SFMBT1: variants seen among roughly 807,000 people sequenced by gnomAD.
The protein encoded by SFMBT1 is scm-like with four MBT domains protein 1.
A neutral mutation model predicts 108.7 loss-of-function variants in SFMBT1; 32 were observed. The observed-to-expected ratio is 0.29, with a 90% CI of 0.22 to 0.40. The LOEUF is 0.40. Among genes scored for constraint, SFMBT1 ranks in the 10% least tolerant of loss-of-function variants. The pLI is 1.00. For synonymous variants in SFMBT1, 348 were observed against 369.5 expected (o/e 0.94, Z 0.67); for missense variants, 816 against 1,059.6 (o/e 0.77, Z 3.19).
intron 1 of SFMBT1, among the ~76,000 whole-genome samples, chr3:53,036,590 G>A (rs1699877423): frequency 6.6e-6 from 1 of 152,262 alleles, no homozygotes; most frequent in Non-Finnish European, 1.5e-5. Context: ...TGGATTCTGA[G>A]ATGCCAGTGT....
rs754256261 is a variant in SFMBT1, at chr3:52,918,525, T to A, written c.1374A>T (p.Val458=). The A allele has an allele frequency of 8.4e-6, 13 of 1,547,580 alleles. No homozygotes were observed. Among genetic ancestry groups the A allele is most frequent in the Non-Finnish European group, 8.7e-7 (1 of 1,152,796 alleles). ...HPLSTPRRAR[V]YKQRKIAVVQ... Reference sequence around the variant, plus strand: ...CCACTGCAATTTTCCTCTGTTTATATACTGTAGAAAGAAAAAAATATATAA... The same window carrying A: ...CCACTGCAATTTTCCTCTGTTTATAAACTGTAGAAAGAAAAAAATATATAA... Residue 458 remains valine (V), a splice_region_variant and synonymous_variant, in exon 13 of 21, where the codon GTA becomes GTT. Coordinates refer to ENST00000394752, the MANE Select transcript of SFMBT1 (RefSeq NM_016329.4).
At chr3:52,973,922 AG>A (rs1167856815) in intron 1 of SFMBT1, among the ~76,000 whole-genome samples, 3 of 152,222 alleles carry the variant, frequency 2.0e-5, no homozygotes, top group Non-Finnish European at 2.9e-5. Flanking sequence ...CTCTAAGCCT[AG>A]TAGTAGTAAC....
intron 1 of SFMBT1, among the ~76,000 whole-genome samples, chr3:53,022,715 T>C (rs1219786429): frequency 6.6e-6 from 1 of 152,114 alleles, no homozygotes; most frequent in African/African-American, 2.4e-5. Flanking sequence ...GTAGTAAATT[T>C]CATAGAACTG....
chr3:52,991,670 T>C (rs1705137500), intron 1 of SFMBT1, among the ~76,000 whole-genome samples: 1 of 152,070 alleles, frequency 6.6e-6, no homozygotes, highest in African/African-American at 2.4e-5. Context: ...ATCCCTAATA[T>C]GAGAGTATTA....
intron 3 of SFMBT1, among the ~76,000 whole-genome samples, chr3:52,948,094 A>G (rs35720014): frequency 1.3e-5 from 2 of 152,168 alleles, no homozygotes; most frequent in Non-Finnish European, 2.9e-5. Flanking sequence ...AGGATCATAA[A>G]CTATATTATT....
At chr3:53,021,158 A>T (rs1699292810) in intron 1 of SFMBT1, among the ~76,000 whole-genome samples, 1 of 152,248 alleles carries the variant, frequency 6.6e-6, no homozygotes, top group Non-Finnish European at 1.5e-5. Context: ...ATCTCTAACA[A>T]CAATCTTTTT....
chr3:52,919,527 G>T (rs1324690956), intron 12 of SFMBT1, among the ~76,000 whole-genome samples: 1 of 152,196 alleles, frequency 6.6e-6, no homozygotes, highest in Non-Finnish European at 1.5e-5. Flanking sequence ...TTGCTAATGA[G>T]TATAGGGTTT....
At chr3:53,035,020 G>A (rs1699822663) in intron 1 of SFMBT1, among the ~76,000 whole-genome samples, 1 of 152,244 alleles carries the variant, frequency 6.6e-6, no homozygotes, top group Non-Finnish European at 1.5e-5. Context: ...CATTTTGGGA[G>A]CACTGCCTTA....
intron 13 of SFMBT1, among the ~76,000 whole-genome samples, chr3:52,917,850 C>T (rs1338952605): frequency 2.0e-5 from 3 of 152,144 alleles, no homozygotes; most frequent in Non-Finnish European, 4.4e-5. Flanking sequence ...TCCACGAAAC[C>T]GGTCCCTGGT....
chr3:52,962,339 G>A (rs1046787134), intron 2 of SFMBT1, among the ~76,000 whole-genome samples: 3 of 152,114 alleles, frequency 2.0e-5, no homozygotes, highest in African/African-American at 7.2e-5. Flanking sequence ...TAACCCTGAC[G>A]TCCATCAATA....
intron 1 of SFMBT1, among the ~76,000 whole-genome samples, chr3:52,974,833 T>TAAAAAAAAAAAA (rs10646648): frequency 6.6e-5 from 6 of 90,664 alleles, no homozygotes; most frequent in African/African-American, 8.2e-5. Context: ...CTATAAAAAG[T>TAAAAAAAAAAAA]AAAAAAAAAA....
intron 16 of SFMBT1, 106 bp from the exon 17 acceptor site, chr3:52,911,284 T>G: frequency 6.0e-6 from 7 of 1,160,170 alleles, no homozygotes; most frequent in South Asian, 1.6e-5. Flanking sequence ...TCTTGGAATA[T>G]TCTATGTCCT....
At chr3:52,986,250 T>G (rs1284225663) in intron 1 of SFMBT1, among the ~76,000 whole-genome samples, 1 of 151,740 alleles carries the variant, frequency 6.6e-6, no homozygotes, top group Non-Finnish European at 1.5e-5. Flanking sequence ...CAGTCAGTGG[T>G]GAGTGAATGT....
rs776938872 is a variant in SFMBT1 at position 52,928,251 on chromosome 3, G to C, written c.988C>G (p.Pro330Ala). 7.4e-6 allele frequency: 12 copies of C among 1,613,986 alleles called. No homozygotes were observed. The Admixed American group carries it at 1.5e-4, about 20-fold the overall frequency. ...CTCCACTGCACAGGGAAGATGCCAG[G>C]ACTGTCGGCGTGGCACACAAAGGAT... is the stretch of plus-strand genomic sequence containing the variant. The part of the protein sequence containing the change: ...RRSFVCHADS[P>A]GIFPVQWSLK... Residue 330 changes from proline to alanine, a missense_variant, in exon 9 of 21, where the codon CCT becomes GCT. By Grantham distance (27) the Pro-to-Ala change is conservative. This residue lies in a region of SFMBT1 where 495 missense variants were observed against 607.4 expected (regional missense o/e 0.81). Transcript: ENST00000394752.
intron 2 of SFMBT1, among the ~76,000 whole-genome samples, chr3:52,964,277 G>A (rs1356018065): frequency 6.6e-6 from 1 of 152,206 alleles, no homozygotes; most frequent in Non-Finnish European, 1.5e-5. Context: ...TTGGGAGGCT[G>A]AGGCAGGAAG....
Position 52,904,943 on chromosome 3 carries a change from CA to C in SFMBT1, c.*192del, listed in dbSNP as rs1702027581. 3.7e-6 allele frequency: 2 copies of C among 544,762 alleles called. No homozygotes were observed. 33.7% of individuals were successfully genotyped at this position (544,762 alleles called of 1,614,324 possible). On this transcript the variant is annotated 3_prime_UTR_variant, in exon 21 of 21. Coordinates refer to ENST00000394752, the MANE Select transcript of SFMBT1 (RefSeq NM_016329.4). Reference sequence around the variant, plus strand: ...GAACAAGAGATGTCCACATTTCCACCAGCAGGTGATCCACTTCTGTGCACAG... The same window carrying C: ...GAACAAGAGATGTCCACATTTCCACCGCAGGTGATCCACTTCTGTGCACAG...
rs57308874 is a variant in SFMBT1 at position 52,984,726 on chromosome 3, C to CTGTGTGTGTGTG, written c.-130-15480_-130-15469dup. ...TATATACTGAATACTATACTAAATA[C>CTGTGTGTGTGTG]TGTGTGTGTGTGTGTGTGTGTGTGT... On this transcript the variant is annotated intron_variant, in intron 1 of 20. Transcript: ENST00000394752. Among the ~76,000 whole-genome samples the CTGTGTGTGTGTG allele has an allele frequency of 3.2e-3, 451 of 140,230 alleles. 4 individuals are homozygous for CTGTGTGTGTGTG. The highest frequency in any genetic ancestry group is 8.9e-3 in the South Asian group (38 of 4,286). 92.0% of individuals were successfully genotyped at this position (140,230 alleles called of 152,430 possible). A position where few individuals can be genotyped will look rare whatever the true frequency, so the allele number is the denominator to read the frequency against.
chr3:52,932,953 C>T (rs541280510), intron 5 of SFMBT1, among the ~76,000 whole-genome samples: 2 of 151,982 alleles, frequency 1.3e-5, no homozygotes, highest in South Asian at 4.2e-4. Flanking sequence ...TATCAAAATA[C>T]CATCATCATC....
chr3:52,976,906 T>A (rs1704537902), intron 1 of SFMBT1, among the ~76,000 whole-genome samples: 1 of 152,184 alleles, frequency 6.6e-6, no homozygotes, highest in Non-Finnish European at 1.5e-5. Context: ...AAAAGATTAG[T>A]AACACTGAAT....
Sources: allele counts gnomAD v4.1 joint callset (sites outside exome capture counted in the v4.1 genomes callset), GRCh38; gene constraint gnomAD v4.1.1; regional missense constraint gnomAD v4.1.1; transcripts MANE v1.5; gene names NCBI Gene and HGNC (gene_info 2026-07-23, HGNC 2026-07-21).